Variants in LIN28B observed in about 807,000 individuals in gnomAD.
The protein encoded by LIN28B is lin-28 RNA binding posttranscriptional regulator B.
Under a neutral mutation model 21.9 loss-of-function variants are expected in LIN28B, and 5 were observed. That is an observed-to-expected ratio of 0.23 (90% CI 0.12 to 0.48). The LOEUF (loss-of-function observed/expected upper bound fraction) is 0.48, where lower values mean the gene tolerates loss of function less well. LIN28B is among the 20% of genes least tolerant of loss of function. The probability of loss-of-function intolerance (pLI) is 0.98; values close to 1 mark genes in which losing one functional copy is unlikely to be tolerated. For missense variants in LIN28B, 245 were observed against 310.5 expected (o/e 0.79, Z 1.58); for synonymous variants, 109 against 111.3 (o/e 0.98, Z 0.13).
chr6:105,056,324 C>T (rs2114394320), intron 3 of LIN28B, among the ~76,000 whole-genome samples: 1 of 151,464 alleles, frequency 6.6e-6, no homozygotes, highest in East Asian at 1.9e-4. Flanking sequence ...CATTTGTTTT[C>T]TCTACAAGAT....
intron 3 of LIN28B, among the ~76,000 whole-genome samples, chr6:105,027,266 C>T (rs558781045): frequency 2.0e-5 from 3 of 152,108 alleles, no homozygotes; most frequent in East Asian, 1.9e-4. Flanking sequence ...AAATGATTAG[C>T]GGGCCAGTAT....
At chr6:105,012,279 C>T (rs564846051) in intron 2 of LIN28B, among the ~76,000 whole-genome samples, 2 of 151,924 alleles carry the variant, frequency 1.3e-5, no homozygotes, top group African/African-American at 2.4e-5. Flanking sequence ...ACCAGCCTGA[C>T]CAAAATGGTG....
At chr6:105,004,909 T>TTG (rs1164781540) in intron 2 of LIN28B, among the ~76,000 whole-genome samples, 1 of 152,194 alleles carries the variant, frequency 6.6e-6, no homozygotes, top group Non-Finnish European at 1.5e-5. Flanking sequence ...TTGATAGCTA[T>TTG]TGTCTCATGC....
intron 2 of LIN28B, among the ~76,000 whole-genome samples, chr6:104,971,247 A>C (rs1380180906): frequency 6.6e-6 from 1 of 152,134 alleles, no homozygotes; most frequent in Non-Finnish European, 1.5e-5. Flanking sequence ...ACCACCCTTG[A>C]CATAAGTAAT....
intron 2 of LIN28B, among the ~76,000 whole-genome samples, chr6:105,017,072 CAAAAA>C (rs56179020): frequency 4.6e-5 from 4 of 86,064 alleles, no homozygotes; most frequent in African/African-American, 4.5e-5. Context: ...GACTCTGTCT[CAAAAA>C]AAAAAAAAAA....
chr6:105,066,653 T>G (rs939520930), intron 3 of LIN28B, among the ~76,000 whole-genome samples: 4 of 152,166 alleles, frequency 2.6e-5, no homozygotes, highest in African/African-American at 9.7e-5. Flanking sequence ...CTAAGGTATT[T>G]TTAATATGGT....
intron 2 of LIN28B, among the ~76,000 whole-genome samples, chr6:105,013,587 CG>C (rs1770966553): frequency 2.0e-5 from 3 of 151,498 alleles, no homozygotes; most frequent in Admixed American, 2.0e-4. Context: ...AAAATAAGCC[CG>C]GTGTGGTGGC....
chr6:105,058,037 C>A, intron 3 of LIN28B: 1 of 374,420 alleles, frequency 2.7e-6, no homozygotes, highest in Non-Finnish European at 5.2e-6. Context: ...TTTTTTTAAC[C>A]AGAAATTCAT....
intron 3 of LIN28B, 91 bp from the exon 4 acceptor site, chr6:105,078,323 C>T: frequency 8.7e-7 from 1 of 1,146,886 alleles, no homozygotes; most frequent in Non-Finnish European, 1.2e-6. Flanking sequence ...AAGCTTATCT[C>T]ATTGGTAGTT....
At chr6:105,006,348 G>T (rs2114300028) in intron 2 of LIN28B, among the ~76,000 whole-genome samples, 1 of 152,258 alleles carries the variant, frequency 6.6e-6, no homozygotes, top group African/African-American at 2.4e-5. Context: ...GTCTCGCTTT[G>T]TTGCCCAGGC....
chr6:104,971,495 C>A (rs2114590609), intron 2 of LIN28B, among the ~76,000 whole-genome samples: 1 of 152,150 alleles, frequency 6.6e-6, no homozygotes, highest in African/African-American at 2.4e-5. Flanking sequence ...GTCATCTTTT[C>A]ATTTTTAGTA....
chr6:104,944,572 C>A (rs1482922852), intron 2 of LIN28B, among the ~76,000 whole-genome samples: 1 of 151,820 alleles, frequency 6.6e-6, no homozygotes, highest in Non-Finnish European at 1.5e-5. Flanking sequence ...ATGATATTGA[C>A]CTGTCATTTG....
At chr6:105,069,042 C>A (rs1348511479) in intron 3 of LIN28B, among the ~76,000 whole-genome samples, 1 of 151,874 alleles carries the variant, frequency 6.6e-6, no homozygotes, top group Admixed American at 6.6e-5. Context: ...CATAGTGAAA[C>A]CCTGACTCTA....
At chr6:105,037,137 A>G (rs1771536491) in intron 3 of LIN28B, among the ~76,000 whole-genome samples, 1 of 152,188 alleles carries the variant, frequency 6.6e-6, no homozygotes. Context: ...AGAGCTGATC[A>G]AGATGAAGAC....
intron 2 of LIN28B, among the ~76,000 whole-genome samples, chr6:104,962,611 C>G (rs1311112156): frequency 6.6e-6 from 1 of 152,002 alleles, no homozygotes; most frequent in Non-Finnish European, 1.5e-5. Context: ...TGAAAAATTT[C>G]TTACACATAG....
intron 2 of LIN28B, among the ~76,000 whole-genome samples, chr6:105,007,620 G>A (rs748919351): frequency 6.6e-6 from 1 of 150,724 alleles, no homozygotes; most frequent in Non-Finnish European, 1.5e-5. Flanking sequence ...TAATTCCTGG[G>A]CTGAAGAGAT....
At chr6:105,013,211 A>G (rs1020700106) in intron 2 of LIN28B, among the ~76,000 whole-genome samples, 1 of 151,738 alleles carries the variant, frequency 6.6e-6, no homozygotes, top group Non-Finnish European at 1.5e-5. Context: ...GAGTTTCTCC[A>G]TGTTGGTCAG....
chr6:105,057,295 A>G (rs1489813770), intron 3 of LIN28B, among the ~76,000 whole-genome samples: 4 of 152,318 alleles, frequency 2.6e-5, no homozygotes, highest in African/African-American at 7.2e-5. Context: ...TATATACGTG[A>G]CACTGAATTT....
intron 2 of LIN28B, among the ~76,000 whole-genome samples, chr6:104,939,004 C>T (rs1275450943): frequency 6.6e-6 from 1 of 152,012 alleles, no homozygotes. Flanking sequence ...CATAAATATA[C>T]ATCACACTTA....
Sources: gnomAD v4.1 joint callset for allele counts (sites outside exome capture counted in the v4.1 genomes callset) on GRCh38, gnomAD v4.1.1 for gene constraint, MANE v1.5 for transcripts, NCBI Gene and HGNC (gene_info 2026-07-23, HGNC 2026-07-21) for gene names.